The following OPRM1 variants were observed in gnomAD, a reference collection of about 807,000 sequenced individuals.
OPRM1 encodes mu-type opioid receptor.
Under a neutral mutation model 31.8 loss-of-function variants are expected in OPRM1, and 27 were observed. The ratio of observed to expected loss-of-function variants is 0.85; its 90% CI spans 0.63 to 1.17. The LOEUF (loss-of-function observed/expected upper bound fraction) is 1.17, where lower values mean the gene tolerates loss of function less well. Among genes scored for constraint, OPRM1 ranks in the 50% most tolerant of loss-of-function variants. OPRM1 has a pLI of 0.00. For synonymous variants in OPRM1, 196 were observed against 189.9 expected, an observed-to-expected ratio of 1.03 and a Z score of -0.26; for missense variants, 536 against 511.1, an observed-to-expected ratio of 1.05 and a Z score of -0.47.
intron 3 of OPRM1, chr6:154,109,109 C>G (rs748512166): frequency 7.2e-6 from 6 of 838,006 alleles, no homozygotes; most frequent in Non-Finnish European, 7.2e-6. Context: ...ACTTCAGGAA[C>G]GAAATAAGCA....
At chr6:154,206,784 A>G (rs563606318) in intron 3 of OPRM1, among the ~76,000 whole-genome samples, 5 of 152,328 alleles carry the variant, frequency 3.3e-5, no homozygotes, top group South Asian at 4.1e-4. Context: ...GTGGTCCTGC[A>G]AGTGGAGAAA....
chr6:154,231,763 G>A (rs1301169579), intron 3 of OPRM1, among the ~76,000 whole-genome samples: 1 of 152,154 alleles, frequency 6.6e-6, no homozygotes, highest in African/African-American at 2.4e-5. Flanking sequence ...ACAGAGATGC[G>A]AAGGAGACTG....
At chr6:154,165,443 G>T (rs1293157010) in intron 3 of OPRM1, among the ~76,000 whole-genome samples, 1 of 152,176 alleles carries the variant, frequency 6.6e-6, no homozygotes. Context: ...GATGCACTTT[G>T]CTTTTGTTCA....
At chr6:154,015,644 T>C (rs1407290438) in intron 1 of OPRM1, among the ~76,000 whole-genome samples, 1 of 151,812 alleles carries the variant, frequency 6.6e-6, no homozygotes, top group Non-Finnish European at 1.5e-5. Flanking sequence ...CAGGAAAAAA[T>C]TGATGAATAT....
At chr6:154,182,193 C>T (rs1157858101) in intron 3 of OPRM1, among the ~76,000 whole-genome samples, 1 of 152,076 alleles carries the variant, frequency 6.6e-6, no homozygotes, top group Non-Finnish European at 1.5e-5. Context: ...ACAAGAGTAG[C>T]TTCATTTTGA....
rs1159637410 is a variant in OPRM1 at position 154,118,809 on chromosome 6, C to G, written c.*88C>G. 6.4e-7 allele frequency: 1 copy of G among 1,573,776 alleles called. No individual in the cohort carries two copies. The highest frequency in any genetic ancestry group is 2.2e-5 in the East Asian group (1 of 44,496). ...TTGCTTCAAGAATGTGTAGGAGGCT[C>G]TAATTCTCTAGGAAAGTGCCTGCTT... On this transcript the variant is annotated 3_prime_UTR_variant, in exon 4 of 4. Coordinates refer to ENST00000330432, the MANE Select transcript of OPRM1 (RefSeq NM_000914.5).
At chr6:154,216,564 T>A (rs1778409916) in intron 3 of OPRM1, among the ~76,000 whole-genome samples, 2 of 152,270 alleles carry the variant, frequency 1.3e-5, no homozygotes, top group South Asian at 4.2e-4. Context: ...TCAGGAAGAA[T>A]ATAATTTTAC....
At position 154,130,928 on chromosome 6, in the gene OPRM1, CTTG is replaced by C. The variant is rs1193864114; in HGVS notation, c.*12213_*12215del. On this transcript the variant is annotated 3_prime_UTR_variant, in exon 4 of 4. Coordinates refer to ENST00000330432, the MANE Select transcript of OPRM1 (RefSeq NM_000914.5). Reference sequence around the variant, plus strand: ...ATGAAAATGTAAAACAATGAGTGATCTTGTTGTTTTCATTTTATTATGTTATAT... The same window carrying C: ...ATGAAAATGTAAAACAATGAGTGATCTTGTTTTCATTTTATTATGTTATAT... Among the ~76,000 whole-genome samples the C allele has an allele frequency of 1.3e-5, 2 of 151,744 alleles. No individual in the cohort carries two copies. The highest frequency in any genetic ancestry group is 2.9e-5 in the Non-Finnish European group (2 of 67,936).
intron 3 of OPRM1, among the ~76,000 whole-genome samples, chr6:154,151,770 G>A (rs910953534): frequency 4.6e-5 from 7 of 152,218 alleles, no homozygotes; most frequent in African/African-American, 1.4e-4. Context: ...AGAGACTTCT[G>A]GGTTGATGTT....
rs1198540370 is a variant in OPRM1 at position 154,130,244 on chromosome 6, C to T, written c.*11523C>T. Among the ~76,000 whole-genome samples the T allele has an allele frequency of 6.7e-6, 1 of 150,354 alleles. No individual in the cohort carries two copies. The highest frequency in any genetic ancestry group is 1.5e-5 in the Non-Finnish European group (1 of 67,798). On this transcript the variant is annotated 3_prime_UTR_variant, in exon 4 of 4. Transcript: ENST00000330432. ...AGTGCAGTGGCTCAATCTTGGCTCA[C>T]TGCAACCTCTGCCTCCCGGGTTCAC...
chr6:154,139,415 T>C (rs116002447), intron 3 of OPRM1, among the ~76,000 whole-genome samples: 107 of 152,324 alleles, frequency 7.0e-4, no homozygotes, highest in African/African-American at 2.6e-3. Context: ...CTTGGAGTTC[T>C]CACCTTAAAA....
intron 3 of OPRM1, among the ~76,000 whole-genome samples, chr6:154,185,771 G>T (rs1268640678): frequency 2.0e-5 from 3 of 152,088 alleles, no homozygotes; most frequent in Non-Finnish European, 4.4e-5. Context: ...TGAAACAAAA[G>T]CTAAAAAGAA....
chr6:154,109,561 G>T (rs1017756374), intron 3 of OPRM1, among the ~76,000 whole-genome samples: 1 of 152,066 alleles, frequency 6.6e-6, no homozygotes, highest in Admixed American at 6.6e-5. Flanking sequence ...GGAATCAGAG[G>T]GAATGACCCT....
Position 154,039,304 on chromosome 6 carries a change from A to G in OPRM1, c.-241A>G. On this transcript the variant is annotated 5_prime_UTR_variant, in exon 1 of 4. Coordinates refer to ENST00000330432, the MANE Select transcript of OPRM1 (RefSeq NM_000914.5). The stretch of plus-strand genomic sequence containing the variant: ...CTCCCCTCCTGCAGCGGTGCGGGGC[A>G]GGTGATGAGCCTCTGTGAACTACTA... 1 of 1,551,026 alleles carries G rather than the reference A, an allele frequency of 6.4e-7. No individual in the cohort carries two copies. The highest frequency in any genetic ancestry group is 8.7e-7 in the Non-Finnish European group (1 of 1,146,690).
rs976847981 is a variant in OPRM1 at position 154,128,038 on chromosome 6, G to A, written c.*9317G>A. ...CCCCAGCTGAGTACTTTCCATGCAA[G>A]CTACCGCATCTGTATAAATTAGGTT... On this transcript the variant is annotated 3_prime_UTR_variant, in exon 4 of 4. Transcript: ENST00000330432. Among the ~76,000 whole-genome samples, 5 of 152,178 alleles carry A rather than the reference G, an allele frequency of 3.3e-5. No homozygotes were observed. The highest frequency in any genetic ancestry group is 7.3e-5 in the Non-Finnish European group (5 of 68,032).
intron 1 of OPRM1, among the ~76,000 whole-genome samples, chr6:154,080,052 T>G (rs750923724): frequency 2.2e-4 from 34 of 152,252 alleles, no homozygotes; most frequent in Middle Eastern, 3.4e-3. Context: ...AATGAAAAAT[T>G]TATTTATTTT....
rs1033852015 is a variant in OPRM1, at chr6:154,086,736, A to G, written c.291-3090A>G. ...AGAAACCAATTACTTAACATAAAAC[A>G]CCATTAAAGATAAGCCACGAAATGT... On this transcript the variant is annotated intron_variant, in intron 1 of 3. Transcript: ENST00000330432. 1.5e-5 allele frequency: 15 copies of G among 985,344 alleles called. No homozygotes were observed. Among genetic ancestry groups the G allele is most frequent in the Middle Eastern group, 5.2e-4 (1 of 1,914 alleles). The allele number at this position is 985,344 out of a possible 1,614,324, so 61.0% of individuals were successfully genotyped here.
chr6:154,056,047 C>G (rs1284227282), intron 1 of OPRM1, among the ~76,000 whole-genome samples: 2 of 152,124 alleles, frequency 1.3e-5, no homozygotes, highest in Non-Finnish European at 2.9e-5. Flanking sequence ...CATCCTGACC[C>G]CTGTTGAGTC....
rs1158859674 is a variant in OPRM1 at position 154,123,638 on chromosome 6, G to A, written c.*4917G>A. On this transcript the variant is annotated 3_prime_UTR_variant, in exon 4 of 4. Transcript: ENST00000330432. The stretch of plus-strand genomic sequence containing the variant: ...TTTCTTGATTATATGCTAAACAAGG[G>A]GTGGATTATTCATGGGTTTTCTGGG... Among the ~76,000 whole-genome samples the A allele has an allele frequency of 2.6e-5, 4 of 152,186 alleles. No homozygotes were observed. The highest frequency in any genetic ancestry group is 5.9e-5 in the Non-Finnish European group (4 of 68,042).
Sources: allele counts gnomAD v4.1 joint callset (sites outside exome capture counted in the v4.1 genomes callset), GRCh38; gene constraint gnomAD v4.1.1; transcripts MANE v1.5; gene names NCBI Gene and HGNC (gene_info 2026-07-23, HGNC 2026-07-21).